ZNF100: variants seen among roughly 807,000 people sequenced by gnomAD.
ZNF100 encodes zinc finger protein 100.
Under a neutral mutation model 15.8 loss-of-function variants are expected in ZNF100, and 12 were observed. The ratio of observed to expected loss-of-function variants is 0.76; its 90% confidence interval spans 0.49 to 1.23. The LOEUF is 1.23. ZNF100 is among the 50% of genes most tolerant of loss of function. The probability of loss-of-function intolerance (pLI) is 0.00; values close to 1 mark genes in which losing one functional copy is unlikely to be tolerated. For missense variants in ZNF100, 670 were observed against 635.6 expected, an observed-to-expected ratio of 1.05 and a Z score of -0.58; for synonymous variants, 226 against 214.8, an observed-to-expected ratio of 1.05 and a Z score of -0.45.
At chr19:21,751,163 A>AC in intron 2 of ZNF100, 1 of 1,330,308 alleles carries the variant, frequency 7.5e-7, no homozygotes, top group South Asian at 1.2e-5. Flanking sequence ...AAGAGCAACC[A>AC]CTTAAATCAT....
chr19:21,758,205 A>T (rs555311862), intron 2 of ZNF100, among the ~76,000 whole-genome samples: 9 of 152,238 alleles, frequency 5.9e-5, no homozygotes, highest in Admixed American at 4.6e-4. Context: ...AACCAAATGC[A>T]TGTTATCATT....
At chr19:21,743,482 A>C (rs1426085509) in intron 4 of ZNF100, among the ~76,000 whole-genome samples, 2 of 152,216 alleles carry the variant, frequency 1.3e-5, no homozygotes, top group Non-Finnish European at 2.9e-5. Context: ...CTTGAGGCAA[A>C]AGAACAAAGC....
At chr19:21,742,538 A>G (rs2036135577) in intron 4 of ZNF100, among the ~76,000 whole-genome samples, 1 of 151,950 alleles carries the variant, frequency 6.6e-6, no homozygotes, top group African/African-American at 2.4e-5. Context: ...TTGAAGAGGT[A>G]TTTCCTCCAT....
chr19:21,740,069 G>A (rs924893270), intron 4 of ZNF100, among the ~76,000 whole-genome samples: 3 of 151,936 alleles, frequency 2.0e-5, no homozygotes, highest in Non-Finnish European at 4.4e-5. Context: ...TATACTTCCC[G>A]ATTTTAAAAC....
intron 4 of ZNF100, among the ~76,000 whole-genome samples, chr19:21,734,262 T>G (rs1377516947): frequency 1.3e-5 from 2 of 152,162 alleles, no homozygotes; most frequent in South Asian, 2.1e-4. Flanking sequence ...AATAATGAAC[T>G]TCAGTGAGCT....
Position 21,732,725 on chromosome 19 carries a change from T to C in ZNF100, c.323-4736A>G, listed in dbSNP as rs533125992. ...CAAGTAGATCAATATATTCATCAAATGAATCTTAGAAGAATATAGGGAAAA... is the reference window on the plus strand; with the variant it reads ...CAAGTAGATCAATATATTCATCAAACGAATCTTAGAAGAATATAGGGAAAA... On this transcript the variant is annotated intron_variant, in intron 4 of 4. Transcript: ENST00000358296. Among the ~76,000 whole-genome samples the C allele has an allele frequency of 4.0e-5, 6 of 151,668 alleles. No individual in the cohort carries two copies. In the East Asian group the frequency reaches 1.2e-3, roughly 29 times the overall value.
intron 2 of ZNF100, among the ~76,000 whole-genome samples, chr19:21,760,738 G>A (rs544611358): frequency 1.4e-5 from 2 of 145,008 alleles, no homozygotes; most frequent in African/African-American, 5.0e-5. Context: ...CATTAGAATA[G>A]AGGAAGAACT....
At chr19:21,760,419 TGA>T (rs113953096) in intron 2 of ZNF100, among the ~76,000 whole-genome samples, 8,165 of 151,854 alleles carry the variant, frequency 0.054, 236 homozygotes, top group African/African-American at 0.086. Flanking sequence ...CGCTTGAACC[TGA>T]GAGGCGGAGG....
At chr19:21,766,587 A>G (rs1478363517) in intron 1 of ZNF100, among the ~76,000 whole-genome samples, 2 of 152,128 alleles carry the variant, frequency 1.3e-5, no homozygotes, top group Admixed American at 6.5e-5. Context: ...CAATTACTAA[A>G]TTTAGTTTTC....
At chr19:21,755,576 T>C (rs1447199278) in intron 2 of ZNF100, among the ~76,000 whole-genome samples, 4 of 152,174 alleles carry the variant, frequency 2.6e-5, no homozygotes, top group Non-Finnish European at 2.9e-5. Flanking sequence ...GCAATCCCAT[T>C]ACTGGGTATA....
At position 21,731,510 on chromosome 19, in the gene ZNF100, T is replaced by A. The variant is rs144610638; in HGVS notation, c.323-3521A>T. On this transcript the variant is annotated intron_variant, in intron 4 of 4. Transcript: ENST00000358296. ...TTTTAGCAGAGACAGCATTTCACCATGTTGGCCAGGATGGTCTCGATCTCT... is the reference window on the plus strand; with the variant it reads ...TTTTAGCAGAGACAGCATTTCACCAAGTTGGCCAGGATGGTCTCGATCTCT... Among the ~76,000 whole-genome samples, 114 of 152,188 alleles carry A rather than the reference T, an allele frequency of 7.5e-4. 2 individuals carry two copies. The East Asian group carries it at 0.021, about 27-fold the overall frequency.
intron 4 of ZNF100, among the ~76,000 whole-genome samples, chr19:21,729,087 CAA>C (rs1374408972): frequency 6.6e-6 from 1 of 151,894 alleles, no homozygotes; most frequent in African/African-American, 2.4e-5. Context: ...AAGTCACAGA[CAA>C]GAGAACCTTG....
chr19:21,732,160 G>C (rs2035931440), intron 4 of ZNF100, among the ~76,000 whole-genome samples: 1 of 151,462 alleles, frequency 6.6e-6, no homozygotes, highest in South Asian at 2.1e-4. Flanking sequence ...GACAGAGCGA[G>C]ACTCCGTCTC....
chr19:21,759,941 C>T (rs566841959), intron 2 of ZNF100, among the ~76,000 whole-genome samples: 5 of 152,206 alleles, frequency 3.3e-5, no homozygotes, highest in Middle Eastern at 6.8e-3. Context: ...TCAGCACTTT[C>T]GGAGGCCGAG....
At chr19:21,760,927 T>C (rs762952809) in intron 2 of ZNF100, among the ~76,000 whole-genome samples, 4 of 152,100 alleles carry the variant, frequency 2.6e-5, no homozygotes, top group Non-Finnish European at 4.4e-5. Flanking sequence ...CCACTATTTT[T>C]TTTTGTATTT....
chr19:21,759,100 C>T (rs932886716), intron 2 of ZNF100, among the ~76,000 whole-genome samples: 7 of 152,162 alleles, frequency 4.6e-5, no homozygotes, highest in Admixed American at 4.6e-4. Context: ...TAACATTGCC[C>T]TCTTTGCAGT....
rs1233533422 is a variant in ZNF100, at chr19:21,727,673, T to C, written c.639A>G (p.Ser213=). Residue 213 remains serine, a synonymous_variant, in exon 5 of 5, where the codon TCA becomes TCG. Coordinates refer to ENST00000358296, the MANE Select transcript of ZNF100 (RefSeq NM_173531.4). The stretch of plus-strand genomic sequence containing the variant: ...GAGTTAGGTGTAAAAGCATGCAAAA[T>C]GATTTTTCACATTTTTTACATTTGA... ...KPFKCKKCEK[S]FCMLLHLTQH... The C allele has an allele frequency of 8.7e-6, 14 of 1,612,908 alleles. No individual in the cohort carries two copies. The highest frequency in any genetic ancestry group is 1.2e-5 in the Non-Finnish European group (14 of 1,179,674).
intron 2 of ZNF100, among the ~76,000 whole-genome samples, chr19:21,762,592 A>G (rs1182622834): frequency 6.6e-6 from 1 of 152,164 alleles, no homozygotes; most frequent in African/African-American, 2.4e-5. Flanking sequence ...CTCAAATACA[A>G]AAGACGCTAA....
intron 2 of ZNF100, chr19:21,752,323 C>T (rs1316821454): frequency 6.5e-6 from 1 of 152,718 alleles, no homozygotes; most frequent in Non-Finnish European, 1.5e-5. Flanking sequence ...CATTTTGCTG[C>T]ATATGCCTTT....
Sources: allele counts gnomAD v4.1 joint callset (sites outside exome capture counted in the v4.1 genomes callset), GRCh38; gene constraint gnomAD v4.1.1; transcripts MANE v1.5; gene names NCBI Gene and HGNC (gene_info 2026-07-23, HGNC 2026-07-21).